Variants in CD3E observed in about 807,000 individuals in gnomAD.
CD3E encodes CD3 epsilon subunit of T-cell receptor complex.
A neutral mutation model predicts 34.7 loss-of-function variants in CD3E; 16 were observed. The observed-to-expected ratio is 0.46, with a 90% confidence interval of 0.31 to 0.70. The LOEUF is 0.70. Among genes scored for constraint, CD3E ranks in the 30% least tolerant of loss-of-function variants. The probability of loss-of-function intolerance (pLI) is 0.05; values close to 1 mark genes in which losing one functional copy is unlikely to be tolerated. For synonymous variants in CD3E, 70 were observed against 90.8 expected, an observed-to-expected ratio of 0.77 and a Z score of 1.30; for missense variants, 223 against 253.9, an observed-to-expected ratio of 0.88 and a Z score of 0.83.
rs764151020 is a variant in CD3E at position 118,313,818 on chromosome 11, G to A, written c.464G>A (p.Arg155Lys). 20 of 1,614,018 alleles carry A rather than the reference G, an allele frequency of 1.2e-5. No homozygotes were observed. The Admixed American group carries it at 2.2e-4, about 17-fold the overall frequency. The change falls in exon 7 of 9, where the codon AGA (arginine) becomes AAA (lysine). Residue 155 changes from arginine (R) to lysine (K), a missense_variant. By Grantham distance (26) the Arg-to-Lys change is conservative. Transcript: ENST00000361763. ...CTGGTTTACTACTGGAGCAAGAATAGAAAGGCCAAGGCCAAGCCTGTGACA... is the reference window on the plus strand; with the variant it reads ...CTGGTTTACTACTGGAGCAAGAATAAAAAGGCCAAGGCCAAGCCTGTGACA... ...LLLVYYWSKN[R>K]KAKAKPVTRG...
chr11:118,312,430 CT>C, intron 5 of CD3E, 187 bp from the exon 6 acceptor site: 1 of 751,366 alleles, frequency 1.3e-6, no homozygotes. Flanking sequence ...CTTCAAGGTT[CT>C]CTAGTTCCCT....
In CD3E at chr11:118,304,738, TC is replaced by T. The variant is rs1224328659; in HGVS notation, c.-96del. 16 of 594,992 alleles carry T rather than the reference TC, an allele frequency of 2.7e-5. No homozygotes were observed. The African/African-American group carries it at 3.0e-4, about 11-fold the overall frequency. The allele number at this position is 594,992 out of a possible 1,614,324, so 36.9% of individuals were successfully genotyped here. ...CTTCCTGTGTGGGGTTCAGAAACCC[TC>T]CTCCCCTCCCAGCCTCAGGTGCCTG... On this transcript the variant is annotated 5_prime_UTR_variant, in exon 1 of 9. Coordinates refer to ENST00000361763, the MANE Select transcript of CD3E (RefSeq NM_000733.4).
At chr11:118,307,217 C>T (rs1019333751) in intron 2 of CD3E, 71 bp from the exon 3 acceptor site, 31 of 1,196,810 alleles carry the variant, frequency 2.6e-5, no homozygotes, top group African/African-American at 5.9e-5. Flanking sequence ...GCAACACAGC[C>T]CTTTTTCTGT....
chr11:118,312,722 G>A lies in CD3E; in HGVS notation c.208G>A (p.Glu70Lys), dbSNP rs779658490. 12 of 1,613,926 alleles carry A rather than the reference G, an allele frequency of 7.4e-6. No homozygotes were observed. The highest frequency in any genetic ancestry group is 9.3e-6 in the Non-Finnish European group (11 of 1,180,000). ...CAATGATAAAAACATAGGCGGTGAT[G>A]AGGATGATAAAAACATAGGCAGTGA... ...QHNDKNIGGD[E>K]DDKNIGSDED... Residue 70 changes from glutamate (E) to lysine (K), a missense_variant, in exon 6 of 9, where the codon GAG (glutamate) becomes AAG (lysine). Transcript: ENST00000361763.
chr11:118,304,814 T>C, intron 1 of CD3E, 38 bp downstream of exon 1: 1 of 794,816 alleles, frequency 1.3e-6, no homozygotes, highest in Admixed American at 1.7e-5. Context: ...TTTTTCATCC[T>C]AGCATTGGGA....
chr11:118,313,941 G>C (rs73612248), intron 7 of CD3E, 67 bp downstream of exon 7: 1 of 1,551,814 alleles, frequency 6.4e-7, no homozygotes, highest in East Asian at 2.3e-5. Context: ...GGCCAGGGTG[G>C]GTGGCAAGTC....
rs751253236 is a variant in CD3E, at chr11:118,312,379, C to T, written c.103+209C>T. The T allele has an allele frequency of 1.1e-5, 8 of 711,030 alleles. No individual in the cohort carries two copies. The South Asian group carries it at 1.4e-4, about 12-fold the overall frequency. 44.0% of individuals were successfully genotyped at this position (711,030 alleles called of 1,614,324 possible). ...CCCTTCCCAAGTCCCCATGTCCCTG[C>T]GTAAACCCTAAAGCCACCTCTCAAA... is the stretch of plus-strand genomic sequence containing the variant. On this transcript the variant is annotated intron_variant, in intron 5 of 8. Transcript: ENST00000361763.
At position 118,315,701 on chromosome 11, in the gene CD3E, C is replaced by T. The variant is rs200314888; in HGVS notation, c.*159C>T. 1.0e-5 allele frequency: 7 copies of T among 690,174 alleles called. No individual in the cohort carries two copies. The highest frequency in any genetic ancestry group is 1.6e-5 in the South Asian group (1 of 63,756). 42.8% of individuals were successfully genotyped at this position (690,174 alleles called of 1,614,324 possible). A position where few individuals can be genotyped will look rare whatever the true frequency, so the allele number is the denominator to read the frequency against. Reference sequence around the variant, plus strand: ...CAGCCTGATCCCCCGCTCCCTCCTCCCTGCCTTCTCTGCTGGTACCCAGTC... The same window carrying T: ...CAGCCTGATCCCCCGCTCCCTCCTCTCTGCCTTCTCTGCTGGTACCCAGTC... On this transcript the variant is annotated 3_prime_UTR_variant, in exon 9 of 9. Transcript: ENST00000361763.
At chr11:118,312,397 C>T in intron 5 of CD3E, 2 of 704,566 alleles carry the variant, frequency 2.8e-6, no homozygotes, top group Non-Finnish European at 4.9e-6. Flanking sequence ...CTAAAGCCAC[C>T]TCTCAAAAGG....
chr11:118,306,637 G>T (rs146411033), intron 2 of CD3E, among the ~76,000 whole-genome samples: 446 of 152,188 alleles, frequency 2.9e-3, no homozygotes, highest in Non-Finnish European at 4.4e-3. Flanking sequence ...CTGTGTAGAG[G>T]TTTCAGTAAA....
chr11:118,312,716 G>T lies in CD3E; in HGVS notation c.202G>T (p.Gly68Cys). The part of the protein sequence containing the change: ...LWQHNDKNIG[G>C]DEDDKNIGSD... ...GCAACACAATGATAAAAACATAGGCGGTGATGAGGATGATAAAAACATAGG... is the reference window on the plus strand; with the variant it reads ...GCAACACAATGATAAAAACATAGGCTGTGATGAGGATGATAAAAACATAGG... Residue 68 changes from glycine (G) to cysteine (C), a missense_variant, in exon 6 of 9, where the codon GGT becomes TGT. Gly to Cys is a radical substitution (Grantham distance 159). Coordinates refer to ENST00000361763, the MANE Select transcript of CD3E (RefSeq NM_000733.4). 1 of 1,614,072 alleles carries T rather than the reference G, an allele frequency of 6.2e-7. No individual in the cohort carries two copies. Among genetic ancestry groups the T allele is most frequent in the Non-Finnish European group, 8.5e-7 (1 of 1,179,974 alleles).
At chr11:118,312,118 A>T (rs1392221397) in intron 4 of CD3E, 35 bp from the exon 5 acceptor site, 5 of 1,596,392 alleles carry the variant, frequency 3.1e-6, no homozygotes, top group Non-Finnish European at 4.3e-6. Context: ...AAACCATGAT[A>T]TTTTCTTACT....
rs765373016 is a variant in CD3E at position 118,313,839 on chromosome 11, T to G, written c.485T>G (p.Val162Gly). ...AATAGAAAGGCCAAGGCCAAGCCTG[T>G]GACACGAGGAGCGGGTGCTGGCGGC... ...SKNRKAKAKP[V>G]TRGAGAGGRQ... Residue 162 changes from valine (V) to glycine (G), a missense_variant, in exon 7 of 9, where the codon GTG becomes GGG. Val to Gly is a moderately radical substitution (Grantham distance 109, BLOSUM62 -3). Transcript: ENST00000361763. 4 of 1,613,900 alleles carry G rather than the reference T, an allele frequency of 2.5e-6. No homozygotes were observed. The highest frequency in any genetic ancestry group is 3.4e-6 in the Non-Finnish European group (4 of 1,180,034).
At chr11:118,314,037 A>T (rs2134768221) in intron 7 of CD3E, among the ~76,000 whole-genome samples, 163 bp downstream of exon 7, 1 of 152,310 alleles carries the variant, frequency 6.6e-6, no homozygotes, top group Middle Eastern at 3.4e-3. Context: ...ACGGTTTCAA[A>T]TCTCACATCA....
chr11:118,307,132 C>T lies in CD3E; in HGVS notation c.50-156C>T, dbSNP rs372359038. ...TGGTCAATACCAGCAGTAAGTTCCA[C>T]TGTTCTAGGGTGTAGAAATGGCTGT... On this transcript the variant is annotated intron_variant, in intron 2 of 8. Coordinates refer to ENST00000361763, the MANE Select transcript of CD3E (RefSeq NM_000733.4). Among the ~76,000 whole-genome samples the T allele has an allele frequency of 2.0e-5, 3 of 152,230 alleles. No individual in the cohort carries two copies. In the East Asian group the frequency reaches 5.8e-4, roughly 29 times the overall value.
chr11:118,314,352 G>A, intron 7 of CD3E, 96 bp from the exon 8 acceptor site: 2 of 973,220 alleles, frequency 2.1e-6, no homozygotes, highest in Non-Finnish European at 3.3e-6. Flanking sequence ...AGAACAATGG[G>A]GTTTGCCATT....
chr11:118,309,045 CA>C (rs1948122150), intron 4 of CD3E, among the ~76,000 whole-genome samples: 1 of 151,980 alleles, frequency 6.6e-6, no homozygotes, highest in Non-Finnish European at 1.5e-5. Flanking sequence ...ATATTTTATG[CA>C]GAAGAGATAA....
chr11:118,309,214 T>G (rs893594784), intron 4 of CD3E, among the ~76,000 whole-genome samples: 2 of 152,260 alleles, frequency 1.3e-5, no homozygotes, highest in South Asian at 2.1e-4. Context: ...GCTACCTAAC[T>G]TGTAGGGTTA....
Position 118,314,481 on chromosome 11 carries a change from A to T in CD3E, c.554A>T (p.Asn185Ile), listed in dbSNP as rs1237381805. The T allele has an allele frequency of 1.9e-6, 3 of 1,614,010 alleles. No homozygotes were observed. In the Admixed American group the frequency reaches 5.0e-5, roughly 27 times the overall value. Residue 185 changes from asparagine (N) to isoleucine (I), a missense_variant, in exon 8 of 9, where the codon AAC becomes ATC. Transcript: ENST00000361763. ...AAGGAGAGGCCACCACCTGTTCCCA[A>T]CCCAGACTATGAGGTAACGTGGGAT... ...QNKERPPPVP[N>I]PDYEPIRKGQ...
Sources: gnomAD v4.1 joint callset for allele counts (sites outside exome capture counted in the v4.1 genomes callset) on GRCh38, gnomAD v4.1.1 for gene constraint, MANE v1.5 for transcripts, NCBI Gene and HGNC (gene_info 2026-07-23, HGNC 2026-07-21) for gene names.